MED13L: variants seen among roughly 807,000 people sequenced by gnomAD.
The protein encoded by MED13L is mediator of RNA polymerase II transcription subunit 13-like.
MED13L carries 7 observed loss-of-function variants against 220.9 expected under a neutral mutation model. The observed-to-expected ratio is 0.03, with a 90% CI of 0.02 to 0.06. The LOEUF (loss-of-function observed/expected upper bound fraction) is 0.06. Among genes scored for constraint, MED13L ranks in the 10% least tolerant of loss-of-function variants. The pLI, the probability that MED13L is intolerant of heterozygous loss-of-function variation, is 1.00. For missense variants in MED13L, 1,965 were observed against 2,760.5 expected, an observed-to-expected ratio of 0.71 and a Z score of 6.46; for synonymous variants, 1,011 against 1,015.2, an observed-to-expected ratio of 1.00 and a Z score of 0.08.
At chr12:115,997,295 G>T in intron 14 of MED13L, 65 bp from the exon 15 acceptor site, 1 of 1,384,930 alleles carries the variant, frequency 7.2e-7, no homozygotes, top group Non-Finnish European at 1.0e-6. Flanking sequence ...CTAGCTTATA[G>T]CCAGGCGCAC....
intron 3 of MED13L, among the ~76,000 whole-genome samples, chr12:116,103,894 T>C (rs918030894): frequency 9.2e-5 from 14 of 151,992 alleles, no homozygotes; most frequent in Admixed American, 8.5e-4. Context: ...CCAACGACTG[T>C]CAATGTTACA....
At position 115,982,331 on chromosome 12, in the gene MED13L, TAAC is replaced by T. The variant is rs753947422; in HGVS notation, c.5175+50_5175+52del. On this transcript the variant is annotated intron_variant, in intron 22 of 30. Transcript: ENST00000281928. Reference sequence around the variant, plus strand: ...AATCATAGGCCTGTATTTATTTTCATAACAACAAAAATAACAACATCAAAAGTA... The same window carrying T: ...AATCATAGGCCTGTATTTATTTTCATAACAAAAATAACAACATCAAAAGTA... 3.2e-6 allele frequency: 5 copies of T among 1,547,522 alleles called. No homozygotes were observed. The South Asian group carries it at 3.4e-5, about 10-fold the overall frequency.
Position 116,131,481 on chromosome 12 carries a change from A to T in MED13L, c.311-19969T>A, listed in dbSNP as rs115681970. Among the ~76,000 whole-genome samples the T allele has an allele frequency of 8.8e-3, 1,337 of 152,308 alleles. 24 individuals are homozygous for T. The highest frequency in any genetic ancestry group is 0.03 in the African/African-American group (1,251 of 41,554). On this transcript the variant is annotated intron_variant, in intron 2 of 30. Coordinates refer to ENST00000281928, the MANE Select transcript of MED13L (RefSeq NM_015335.5). ...AGCTCTGCCACAACACTGTGTACAA[A>T]TGATACTAAAGGTACTTCCTTCTCA...
At position 116,224,616 on chromosome 12, in the gene MED13L, A is replaced by C. The variant is rs148810047; in HGVS notation, c.310+12852T>G. Among the ~76,000 whole-genome samples the C allele has an allele frequency of 1.3e-3, 203 of 152,326 alleles. 1 individual carries two copies. The highest frequency in any genetic ancestry group is 4.7e-3 in the African/African-American group (195 of 41,576). ...CAAATAAATGGTGGTAATTCTAAAT[A>C]TAAGAAATCATGTAACAATGGTAAC... On this transcript the variant is annotated intron_variant, in intron 2 of 30. Coordinates refer to ENST00000281928, the MANE Select transcript of MED13L (RefSeq NM_015335.5).
At chr12:116,209,929 C>G (rs949019857) in intron 2 of MED13L, among the ~76,000 whole-genome samples, 1 of 152,210 alleles carries the variant, frequency 6.6e-6, no homozygotes, top group African/African-American at 2.4e-5. Context: ...ATTGGGCTTC[C>G]TCTTGAAATA....
intron 2 of MED13L, among the ~76,000 whole-genome samples, chr12:116,130,825 A>G (rs1270119089): frequency 6.7e-6 from 1 of 149,618 alleles, no homozygotes; most frequent in Non-Finnish European, 1.5e-5. Context: ...TGTACAATAT[A>G]AGCTCTGAAC....
intron 4 of MED13L, among the ~76,000 whole-genome samples, chr12:116,056,709 T>C (rs891572188): frequency 6.6e-6 from 1 of 152,206 alleles, no homozygotes; most frequent in South Asian, 2.1e-4. Context: ...AGAATCATCA[T>C]CAGATAATAT....
At position 116,019,277 on chromosome 12, in the gene MED13L, C is replaced by T; in HGVS notation, c.956G>A (p.Ser319Asn). 6.2e-7 allele frequency: 1 copy of T among 1,613,970 alleles called. No individual in the cohort carries two copies. The change falls in exon 7 of 31, where the codon AGT becomes AAT. Residue 319 changes from serine (S) to asparagine (N), a missense_variant. Around this residue, in one of 10 missense-constraint regions of MED13L, gnomAD observed 818 missense variants for 1,041.2 expected, o/e 0.79. Transcript: ENST00000281928. ...AGGGGTCAGAGGCATCCCACAGTTA[C>T]TTGGGTCCTTCACACTACCAAGCCC... is the stretch of plus-strand genomic sequence containing the variant. The part of the protein sequence containing the change: ...QQGLGSVKDP[S>N]NCGMPLTPPT...
At chr12:115,990,148 T>C (rs1476944313) in intron 17 of MED13L, among the ~76,000 whole-genome samples, 1 of 152,182 alleles carries the variant, frequency 6.6e-6, no homozygotes, top group Non-Finnish European at 1.5e-5. Flanking sequence ...CAGCACCTCC[T>C]GTCTGGGACA....
chr12:116,118,020 G>A (rs1456880073), intron 2 of MED13L, among the ~76,000 whole-genome samples: 1 of 152,050 alleles, frequency 6.6e-6, no homozygotes, highest in Non-Finnish European at 1.5e-5. Context: ...TGTTGCCCAG[G>A]CTGCTCTTGA....
At chr12:116,036,381 T>C (rs1881196397) in intron 4 of MED13L, among the ~76,000 whole-genome samples, 1 of 152,110 alleles carries the variant, frequency 6.6e-6, no homozygotes, top group Admixed American at 6.6e-5. Flanking sequence ...ACAACTGGGG[T>C]AGTTGGGAAA....
Position 116,032,409 on chromosome 12 carries a change from A to G in MED13L, c.480-9808T>C, listed in dbSNP as rs181050165. 5.3e-5 allele frequency among the ~76,000 whole-genome samples: 8 copies of G among 152,304 alleles called. No homozygotes were observed. In the East Asian group the frequency reaches 7.7e-4, roughly 15 times the overall value. ...TAATGACTCAAGGACAAAGAGGCCA[A>G]TGGAACAGAACAGGAAACTCAGAAA... On this transcript the variant is annotated intron_variant, in intron 4 of 30. Transcript: ENST00000281928.
intron 1 of MED13L, among the ~76,000 whole-genome samples, chr12:116,267,902 G>A (rs911424208): frequency 6.6e-6 from 1 of 152,090 alleles, no homozygotes; most frequent in African/African-American, 2.4e-5. Flanking sequence ...TCTTTAATAA[G>A]GAAATTCTAG....
At chr12:116,114,636 A>T (rs1874364043) in intron 2 of MED13L, among the ~76,000 whole-genome samples, 2 of 152,198 alleles carry the variant, frequency 1.3e-5, no homozygotes, top group South Asian at 4.1e-4. Context: ...AATTTCATCC[A>T]ATACAATAGG....
chr12:116,195,242 T>C (rs1441280170), intron 2 of MED13L, among the ~76,000 whole-genome samples: 1 of 151,212 alleles, frequency 6.6e-6, no homozygotes, highest in Non-Finnish European at 1.5e-5. Context: ...AAGTGCCCTC[T>C]GCTGCCAATC....
At chr12:116,097,008 A>G (rs1321889837) in intron 3 of MED13L, among the ~76,000 whole-genome samples, 4 of 152,250 alleles carry the variant, frequency 2.6e-5, no homozygotes, top group Non-Finnish European at 5.9e-5. Context: ...ATGTATTTCT[A>G]AAACATCTTA....
intron 1 of MED13L, among the ~76,000 whole-genome samples, chr12:116,247,182 T>C (rs185168877): frequency 6.6e-6 from 1 of 152,130 alleles, no homozygotes; most frequent in Admixed American, 6.5e-5. Flanking sequence ...CTTATAAACC[T>C]TGTAGACCTA....
chr12:116,079,422 C>T (rs954930835), intron 4 of MED13L, among the ~76,000 whole-genome samples: 11 of 152,018 alleles, frequency 7.2e-5, no homozygotes, highest in African/African-American at 2.7e-4. Flanking sequence ...GGGGGGGTCT[C>T]ACTATATTGC....
intron 2 of MED13L, among the ~76,000 whole-genome samples, chr12:116,220,065 G>A (rs1173087352): frequency 1.3e-5 from 2 of 151,924 alleles, no homozygotes; most frequent in Admixed American, 1.3e-4. Context: ...CAAAGTGCTG[G>A]GATTACAGGT....
Sources: allele counts gnomAD v4.1 joint callset (sites outside exome capture counted in the v4.1 genomes callset), GRCh38; gene constraint gnomAD v4.1.1; regional missense constraint gnomAD v4.1.1; transcripts MANE v1.5; gene names NCBI Gene and HGNC (gene_info 2026-07-23, HGNC 2026-07-21).